The following LAMA2 variants were observed in gnomAD, a reference collection of about 807,000 sequenced individuals.
LAMA2 encodes the protein laminin subunit alpha-2.
LAMA2 carries 269 observed loss-of-function variants against 364.8 expected under a neutral mutation model. The observed-to-expected ratio is 0.74, with a 90% CI of 0.67 to 0.82. The LOEUF (loss-of-function observed/expected upper bound fraction) is 0.82, where lower values mean the gene tolerates loss of function less well. LAMA2 is among the 40% of genes least tolerant of loss of function. The pLI, the probability that LAMA2 is intolerant of heterozygous loss-of-function variation, is 0.00. For missense variants in LAMA2, 3,807 were observed against 3,873.2 expected, an observed-to-expected ratio of 0.98 and a Z score of 0.45; for synonymous variants, 1,379 against 1,370.6, an observed-to-expected ratio of 1.01 and a Z score of -0.14.
At chr6:129,273,165 C>T (rs1231126716) in intron 17 of LAMA2, among the ~76,000 whole-genome samples, 1 of 152,148 alleles carries the variant, frequency 6.6e-6, no homozygotes, top group Non-Finnish European at 1.5e-5. Flanking sequence ...AAAGGCTACT[C>T]AAGCCTATGA....
At chr6:128,979,857 C>T (rs561228578) in intron 1 of LAMA2, among the ~76,000 whole-genome samples, 6 of 152,256 alleles carry the variant, frequency 3.9e-5, no homozygotes, top group Non-Finnish European at 8.8e-5. Context: ...TCTCAGAAAA[C>T]TTTTTTATGC....
chr6:129,233,904 AAAG>A (rs1319405970), intron 12 of LAMA2, among the ~76,000 whole-genome samples: 5 of 152,316 alleles, frequency 3.3e-5, no homozygotes, highest in South Asian at 2.1e-4. Context: ...AGTAGAGCAA[AAAG>A]AAGAACTGAA....
At chr6:128,995,436 T>G (rs1052703136) in intron 1 of LAMA2, among the ~76,000 whole-genome samples, 2 of 152,146 alleles carry the variant, frequency 1.3e-5, no homozygotes, top group African/African-American at 4.8e-5. Flanking sequence ...CTTCTCCTGC[T>G]TCAGCCTCCA....
chr6:129,158,357 G>A (rs182119564), intron 8 of LAMA2: 14 of 1,613,914 alleles, frequency 8.7e-6, no homozygotes, highest in Admixed American at 8.3e-5. Context: ...CCACTCTTTC[G>A]CCATGCCATT....
At chr6:129,047,116 T>G (rs1249584873) in intron 1 of LAMA2, among the ~76,000 whole-genome samples, 1 of 152,172 alleles carries the variant, frequency 6.6e-6, no homozygotes, top group Admixed American at 6.6e-5. Context: ...CATCTAATTA[T>G]TTTTAAATTT....
At chr6:129,388,518 C>CTG (rs2114666228) in intron 35 of LAMA2, among the ~76,000 whole-genome samples, 1 of 152,242 alleles carries the variant, frequency 6.6e-6, no homozygotes, top group Admixed American at 6.5e-5. Flanking sequence ...TCTTTTTCCA[C>CTG]CAGATTCTTC....
Position 129,144,936 on chromosome 6 carries a change from G to A in LAMA2, c.819+856G>A, listed in dbSNP as rs114037554. ...ATGAGTGATAACCGTGCTTCCTCCTGTCTACCTTCTACCATATTCACTGGT... is the reference window on the plus strand; with the variant it reads ...ATGAGTGATAACCGTGCTTCCTCCTATCTACCTTCTACCATATTCACTGGT... On this transcript the variant is annotated intron_variant, in intron 5 of 64. Coordinates refer to ENST00000421865, the MANE Select transcript of LAMA2 (RefSeq NM_000426.4). Among the ~76,000 whole-genome samples the A allele has an allele frequency of 9.8e-3, 1,485 of 151,970 alleles. 31 individuals are homozygous for A. The highest frequency in any genetic ancestry group is 0.034 in the African/African-American group (1,418 of 41,460).
chr6:129,050,259 G>A (rs1409874795), intron 2 of LAMA2, among the ~76,000 whole-genome samples, 171 bp downstream of exon 2: 1 of 152,060 alleles, frequency 6.6e-6, no homozygotes, highest in Non-Finnish European at 1.5e-5. Context: ...AAACATTATT[G>A]GAGTTCCTGC....
At chr6:129,314,921 C>T (rs1774483454) in intron 24 of LAMA2, 123 bp downstream of exon 24, 7 of 961,818 alleles carry the variant, frequency 7.3e-6, no homozygotes, top group Non-Finnish European at 1.2e-5. Flanking sequence ...CCTCTGTGAA[C>T]ATTTAGGAAC....
intron 12 of LAMA2, among the ~76,000 whole-genome samples, chr6:129,247,933 C>A (rs1372632567): frequency 1.3e-5 from 2 of 152,046 alleles, no homozygotes; most frequent in African/African-American, 4.8e-5. Context: ...TCTTTTCCCC[C>A]TTCCCACCTC....
At chr6:129,114,294 G>A (rs1486972404) in intron 4 of LAMA2, among the ~76,000 whole-genome samples, 1 of 152,058 alleles carries the variant, frequency 6.6e-6, no homozygotes. Context: ...GGTCTGGAAA[G>A]AGAATTTGGG....
intron 1 of LAMA2, among the ~76,000 whole-genome samples, chr6:129,037,641 T>C (rs1786737670): frequency 6.6e-6 from 1 of 151,968 alleles, no homozygotes; most frequent in South Asian, 2.1e-4. Flanking sequence ...TGAAGACAGC[T>C]ACTCCACAAT....
intron 1 of LAMA2, among the ~76,000 whole-genome samples, chr6:128,939,337 CT>C (rs773284154): frequency 0.013 from 1,894 of 143,172 alleles, 19 homozygotes; most frequent in Non-Finnish European, 0.022. Flanking sequence ...CAAGAGTTTC[CT>C]TTTTTTTTTT....
At chr6:129,465,032 G>A in intron 50 of LAMA2, 113 bp from the exon 51 acceptor site, 1 of 848,236 alleles carries the variant, frequency 1.2e-6, no homozygotes. Flanking sequence ...GCAACAGAGT[G>A]ACATATTCAG....
chr6:129,181,268 A>T (rs916652793), intron 10 of LAMA2, among the ~76,000 whole-genome samples: 10 of 152,154 alleles, frequency 6.6e-5, no homozygotes, highest in Admixed American at 6.6e-4. Flanking sequence ...AAGGAAAATA[A>T]CTACAAAAGG....
At chr6:129,375,367 T>C (rs1778313007) in intron 34 of LAMA2, among the ~76,000 whole-genome samples, 1 of 152,162 alleles carries the variant, frequency 6.6e-6, no homozygotes, top group African/African-American at 2.4e-5. Context: ...TTAGCTCCTT[T>C]CTTTTTTCAG....
chr6:129,241,673 T>G (rs544724092), intron 12 of LAMA2, among the ~76,000 whole-genome samples: 1 of 152,302 alleles, frequency 6.6e-6, no homozygotes, highest in South Asian at 2.1e-4. Flanking sequence ...AGCTTAATTT[T>G]TTGTGTGATT....
At chr6:129,405,372 A>C (rs1642920036) in intron 40 of LAMA2, among the ~76,000 whole-genome samples, 1 of 152,082 alleles carries the variant, frequency 6.6e-6, no homozygotes, top group South Asian at 2.1e-4. Context: ...GAGGTGTTTA[A>C]TTTTACCCTA....
At chr6:129,158,687 C>A in intron 8 of LAMA2, 1 of 1,614,108 alleles carries the variant, frequency 6.2e-7, no homozygotes, top group Non-Finnish European at 8.5e-7. Context: ...CATCAAAAAA[C>A]GGACCTATGA....
Sources: gnomAD v4.1 joint callset for allele counts (sites outside exome capture counted in the v4.1 genomes callset) on GRCh38, gnomAD v4.1.1 for gene constraint, MANE v1.5 for transcripts, NCBI Gene and HGNC (gene_info 2026-07-23, HGNC 2026-07-21) for gene names.